The following BLK variants were observed in gnomAD, a reference collection of about 807,000 sequenced individuals.
The protein encoded by BLK is BLK proto-oncogene, Src family tyrosine kinase.
A neutral mutation model predicts 61.8 loss-of-function variants in BLK; 64 were observed. That is an observed-to-expected ratio of 1.03 (90% CI 0.85 to 1.27). BLK has a LOEUF of 1.27. Among genes scored for constraint, BLK ranks in the 50% most tolerant of loss-of-function variants. The probability of loss-of-function intolerance (pLI) is 0.00; values close to 1 mark genes in which losing one functional copy is unlikely to be tolerated. For missense variants in BLK, 853 were observed against 660.5 expected, an observed-to-expected ratio of 1.29 and a Z score of -3.19; for synonymous variants, 351 against 272.0, an observed-to-expected ratio of 1.29 and a Z score of -2.86.
chr8:11,564,078 C>A lies in BLK; in HGVS notation c.1488C>A (p.Ala496=). The change falls in exon 13 of 13, where the codon GCC becomes GCA. Residue 496 remains alanine (A), a synonymous_variant. Transcript: ENST00000259089. ...LQSVLEDFYT[A]TERQYELQP ...CGGTGCTGGAGGACTTCTACACGGC[C>A]ACCGAGCGGCAGTACGAGCTGCAGC... 1 of 1,590,764 alleles carries A rather than the reference C, an allele frequency of 6.3e-7. No individual in the cohort carries two copies. Among genetic ancestry groups the A allele is most frequent in the East Asian group, 2.3e-5 (1 of 44,032 alleles).
chr8:11,499,391 A>G (rs1798475535), intron 1 of BLK, among the ~76,000 whole-genome samples: 1 of 152,230 alleles, frequency 6.6e-6, no homozygotes, highest in African/African-American at 2.4e-5. Flanking sequence ...AGCAATACGT[A>G]ACTATATTTT....
intron 6 of BLK, chr8:11,554,135 A>C (rs1801059588): frequency 6.4e-6 from 1 of 156,368 alleles, no homozygotes; most frequent in African/African-American, 2.4e-5. Flanking sequence ...CTTACCTGGA[A>C]ATTCTTACCT....
At chr8:11,513,342 T>C (rs929842010) in intron 1 of BLK, among the ~76,000 whole-genome samples, 1 of 152,174 alleles carries the variant, frequency 6.6e-6, no homozygotes, top group Non-Finnish European at 1.5e-5. Context: ...TCGTGGACCA[T>C]AGTGGAGACT....
At chr8:11,535,308 G>GA (rs1285512787) in intron 1 of BLK, among the ~76,000 whole-genome samples, 1 of 142,456 alleles carries the variant, frequency 7.0e-6, no homozygotes. Flanking sequence ...AAGAAAGAAA[G>GA]AAAGAAAGAA....
At chr8:11,508,340 T>C (rs1563424309) in intron 1 of BLK, among the ~76,000 whole-genome samples, 1 of 152,108 alleles carries the variant, frequency 6.6e-6, no homozygotes, top group Non-Finnish European at 1.5e-5. Flanking sequence ...CAAGCTGTGC[T>C]CACATGGGGC....
intron 1 of BLK, among the ~76,000 whole-genome samples, chr8:11,539,725 A>T (rs1016174020): frequency 6.6e-6 from 1 of 152,254 alleles, no homozygotes; most frequent in South Asian, 2.1e-4. Flanking sequence ...ATTTGGATTC[A>T]GCAATGAATA....
chr8:11,537,535 C>T (rs1236609873), intron 1 of BLK, among the ~76,000 whole-genome samples: 1 of 152,182 alleles, frequency 6.6e-6, no homozygotes, highest in African/African-American at 2.4e-5. Context: ...ACTGTCCCCT[C>T]CAAGGGACAC....
At chr8:11,519,285 G>A (rs753457487) in intron 1 of BLK, among the ~76,000 whole-genome samples, 1 of 152,188 alleles carries the variant, frequency 6.6e-6, no homozygotes, top group Non-Finnish European at 1.5e-5. Context: ...GCTGCTAGGA[G>A]CCAACACTGT....
intron 1 of BLK, among the ~76,000 whole-genome samples, chr8:11,501,377 T>C (rs1272923619): frequency 6.6e-6 from 1 of 150,792 alleles, no homozygotes; most frequent in Non-Finnish European, 1.5e-5. Context: ...TTTAACACAT[T>C]AGCATGGAAA....
At chr8:11,531,790 G>A (rs1286757269) in intron 1 of BLK, among the ~76,000 whole-genome samples, 1 of 152,152 alleles carries the variant, frequency 6.6e-6, no homozygotes, top group Non-Finnish European at 1.5e-5. Context: ...CAATTGCAGT[G>A]TCTCCAAGCC....
chr8:11,556,211 T>G, intron 8 of BLK: 1 of 278,996 alleles, frequency 3.6e-6, no homozygotes, highest in Non-Finnish European at 7.0e-6. Flanking sequence ...ATACAGATAG[T>G]TTAAGGAGTG....
chr8:11,537,593 C>G (rs910228206), intron 1 of BLK, among the ~76,000 whole-genome samples: 1 of 152,186 alleles, frequency 6.6e-6, no homozygotes, highest in Non-Finnish European at 1.5e-5. Flanking sequence ...GCAGAGGGCT[C>G]AAGCAGCCCT....
chr8:11,496,424 G>T (rs1798360633), intron 1 of BLK, among the ~76,000 whole-genome samples: 2 of 152,008 alleles, frequency 1.3e-5, no homozygotes, highest in Admixed American at 1.3e-4. Context: ...CTTATTTTTT[G>T]AAGAGATGGG....
intron 1 of BLK, among the ~76,000 whole-genome samples, chr8:11,527,166 C>T (rs915650225): frequency 6.6e-6 from 1 of 152,170 alleles, no homozygotes; most frequent in Non-Finnish European, 1.5e-5. Context: ...TTTCTACCAG[C>T]TTACAAAACT....
intron 1 of BLK, among the ~76,000 whole-genome samples, chr8:11,540,805 T>A (rs1016795995): frequency 1.3e-5 from 2 of 151,860 alleles, no homozygotes; most frequent in Non-Finnish European, 2.9e-5. Flanking sequence ...GAGTTCTATT[T>A]AGCCTGTGAG....
intron 1 of BLK, among the ~76,000 whole-genome samples, chr8:11,496,221 G>A (rs995854062): frequency 2.0e-5 from 3 of 152,008 alleles, no homozygotes; most frequent in Non-Finnish European, 2.9e-5. Flanking sequence ...TGGGTTTTGT[G>A]GGGGTTGTTT....
At chr8:11,525,652 G>A (rs970298531) in intron 1 of BLK, among the ~76,000 whole-genome samples, 1 of 152,160 alleles carries the variant, frequency 6.6e-6, no homozygotes, top group African/African-American at 2.4e-5. Context: ...TAAACAGTCA[G>A]AAAAGGTATA....
At chr8:11,537,364 C>T (rs1800176034) in intron 1 of BLK, among the ~76,000 whole-genome samples, 2 of 152,096 alleles carry the variant, frequency 1.3e-5, no homozygotes, top group African/African-American at 4.8e-5. Context: ...AGGGTGAGTC[C>T]CAGCTTTGCC....
chr8:11,526,534 A>G (rs1038488016), intron 1 of BLK, among the ~76,000 whole-genome samples: 1 of 151,972 alleles, frequency 6.6e-6, no homozygotes, highest in East Asian at 1.9e-4. Flanking sequence ...GCCTGGGCAA[A>G]ATGATGAAAC....
Sources: gnomAD v4.1 joint callset for allele counts (sites outside exome capture counted in the v4.1 genomes callset) on GRCh38, gnomAD v4.1.1 for gene constraint, MANE v1.5 for transcripts, NCBI Gene and HGNC (gene_info 2026-07-23, HGNC 2026-07-21) for gene names.